Variants in DYM observed in about 807,000 individuals in gnomAD.
The protein encoded by DYM is dyggve-Melchior-Clausen syndrome protein.
In DYM, 78 loss-of-function variants were observed where a neutral mutation model predicts 93.1. The observed-to-expected ratio is 0.84, with a 90% CI of 0.70 to 1.01. The LOEUF is 1.01. DYM is among the 50% of genes least tolerant of loss of function. DYM has a pLI of 0.00. For synonymous variants in DYM, 321 were observed against 319.7 expected (o/e 1.00, Z -0.04); for missense variants, 789 against 845.0 (o/e 0.93, Z 0.82).
At chr18:49,091,132 T>C (rs1360638281) in intron 17 of DYM, among the ~76,000 whole-genome samples, 1 of 152,200 alleles carries the variant, frequency 6.6e-6, no homozygotes, top group Non-Finnish European at 1.5e-5. Context: ...CCATTGTTCG[T>C]TGGTATCCCT....
At chr18:49,324,138 CAAAAAAAAA>C (rs59640889) in intron 8 of DYM, among the ~76,000 whole-genome samples, 20 of 54,442 alleles carry the variant, frequency 3.7e-4, no homozygotes, top group South Asian at 1.8e-3. Context: ...GGCTCTGTCT[CAAAAAAAAA>C]AAAAAAAAAA....
chr18:49,134,150 A>G (rs2083626007), intron 15 of DYM, among the ~76,000 whole-genome samples: 1 of 152,240 alleles, frequency 6.6e-6, no homozygotes, highest in Non-Finnish European at 1.5e-5. Flanking sequence ...TGGTAGGTAT[A>G]TGGGCATTTA....
chr18:49,370,554 G>T (rs2066937948), intron 5 of DYM, among the ~76,000 whole-genome samples: 1 of 152,022 alleles, frequency 6.6e-6, no homozygotes, highest in Non-Finnish European at 1.5e-5. Flanking sequence ...ATCACTTGAG[G>T]TCAGGGTTTG....
intron 6 of DYM, among the ~76,000 whole-genome samples, chr18:49,353,140 T>A (rs1288797214): frequency 1.3e-5 from 2 of 152,122 alleles, no homozygotes; most frequent in Non-Finnish European, 2.9e-5. Flanking sequence ...AATATACACA[T>A]TTCCAAGTCA....
intron 15 of DYM, among the ~76,000 whole-genome samples, chr18:49,160,920 A>G (rs2087027947): frequency 6.6e-6 from 1 of 152,158 alleles, no homozygotes; most frequent in Non-Finnish European, 1.5e-5. Context: ...CTGTTTGTTT[A>G]ATCACCTTTC....
At chr18:49,243,489 T>C (rs1393174776) in intron 13 of DYM, among the ~76,000 whole-genome samples, 1 of 151,654 alleles carries the variant, frequency 6.6e-6, no homozygotes, top group East Asian at 1.9e-4. Context: ...ACATTGTAAA[T>C]CCCTGTCTCT....
intron 2 of DYM, among the ~76,000 whole-genome samples, chr18:49,402,357 T>C (rs1568383316): frequency 1.3e-5 from 2 of 152,232 alleles, no homozygotes; most frequent in Non-Finnish European, 2.9e-5. Flanking sequence ...AGCAGCAAGA[T>C]GGTCAGGGCA....
intron 1 of DYM, among the ~76,000 whole-genome samples, chr18:49,431,459 T>C (rs1210630484): frequency 6.6e-6 from 1 of 152,202 alleles, no homozygotes; most frequent in Non-Finnish European, 1.5e-5. Context: ...AAAGTCAGTA[T>C]TGGTTGTTCT....
At chr18:49,126,713 G>A (rs1409177225) in intron 15 of DYM, among the ~76,000 whole-genome samples, 3 of 151,962 alleles carry the variant, frequency 2.0e-5, no homozygotes, top group African/African-American at 7.3e-5. Flanking sequence ...TTAAAACTGT[G>A]TGTAACACAT....
At chr18:49,078,735 G>A (rs894587635) in intron 17 of DYM, among the ~76,000 whole-genome samples, 1 of 152,146 alleles carries the variant, frequency 6.6e-6, no homozygotes, top group Non-Finnish European at 1.5e-5. Flanking sequence ...AGGGAGGAAG[G>A]GAAGAAGGCA....
intron 2 of DYM, 112 bp from the exon 3 acceptor site, chr18:49,391,757 G>A: frequency 1.1e-6 from 1 of 919,728 alleles, no homozygotes; most frequent in Non-Finnish European, 1.7e-6. Context: ...AGAAAAATAT[G>A]GTGCACAGTA....
At chr18:49,097,686 G>A (rs188465880) in intron 16 of DYM, among the ~76,000 whole-genome samples, 171 bp from the exon 17 acceptor site, 20 of 152,250 alleles carry the variant, frequency 1.3e-4, no homozygotes, top group Admixed American at 9.2e-4. Flanking sequence ...TTTGATAGCC[G>A]AATCAGAGGC....
intron 14 of DYM, among the ~76,000 whole-genome samples, chr18:49,201,934 G>A (rs2092020566): frequency 6.6e-6 from 1 of 152,060 alleles, no homozygotes; most frequent in South Asian, 2.1e-4. Context: ...TTGCTGTTTG[G>A]CACAGGACTA....
At chr18:49,383,814 G>A (rs113839794) in intron 3 of DYM, among the ~76,000 whole-genome samples, 26 of 152,256 alleles carry the variant, frequency 1.7e-4, no homozygotes, top group African/African-American at 5.3e-4. Context: ...AATATAGTAG[G>A]TGCTCCATAA....
At chr18:49,437,491 A>G (rs1352364751) in intron 1 of DYM, among the ~76,000 whole-genome samples, 1 of 152,240 alleles carries the variant, frequency 6.6e-6, no homozygotes, top group Non-Finnish European at 1.5e-5. Context: ...TCATTCTCCA[A>G]TAAGATATAT....
chr18:49,058,065 G>A (rs1347948307), intron 17 of DYM, among the ~76,000 whole-genome samples: 3 of 152,252 alleles, frequency 2.0e-5, no homozygotes, highest in Non-Finnish European at 4.4e-5. Flanking sequence ...CAGTCCCAGA[G>A]AAGGGCCTCA....
At chr18:49,175,230 A>C (rs755644744) in intron 14 of DYM, among the ~76,000 whole-genome samples, 38 of 152,204 alleles carry the variant, frequency 2.5e-4, no homozygotes, top group Non-Finnish European at 4.0e-4. Context: ...AACATGGTCT[A>C]AAATATGCTT....
At chr18:49,435,420 C>T (rs1452672253) in intron 1 of DYM, among the ~76,000 whole-genome samples, 1 of 37,152 alleles carries the variant, frequency 2.7e-5, no homozygotes, top group Non-Finnish European at 4.6e-5. Flanking sequence ...AACACTAAAA[C>T]AGTAAAAAAA....
intron 13 of DYM, among the ~76,000 whole-genome samples, chr18:49,222,197 A>T (rs940998476): frequency 2.0e-5 from 3 of 152,112 alleles, no homozygotes; most frequent in African/African-American, 7.2e-5. Context: ...TAAAGAGAAA[A>T]ACATTATATT....
Sources: allele counts gnomAD v4.1 joint callset (sites outside exome capture counted in the v4.1 genomes callset), GRCh38; gene constraint gnomAD v4.1.1; transcripts MANE v1.5; gene names NCBI Gene and HGNC (gene_info 2026-07-23, HGNC 2026-07-21).